Variants in CNTN1 observed in about 807,000 individuals in gnomAD.
CNTN1 encodes the protein contactin 1.
CNTN1 carries 38 observed loss-of-function variants against 126.4 expected under a neutral mutation model. The ratio of observed to expected loss-of-function variants is 0.30; its 90% CI spans 0.23 to 0.39. CNTN1 has a LOEUF of 0.39. Among genes scored for constraint, CNTN1 ranks in the 10% least tolerant of loss-of-function variants. The pLI is 1.00. For missense variants in CNTN1, 1,009 were observed against 1,248.4 expected (o/e 0.81, Z 2.89); for synonymous variants, 413 against 422.6 (o/e 0.98, Z 0.28).
chr12:40,884,026 G>T (rs1943952836), intron 1 of CNTN1, among the ~76,000 whole-genome samples: 2 of 151,456 alleles, frequency 1.3e-5, no homozygotes, highest in Non-Finnish European at 3.0e-5. Context: ...TGCCACCTAA[G>T]AGAAATAATC....
intron 1 of CNTN1, among the ~76,000 whole-genome samples, chr12:40,740,164 T>C (rs1565670939): frequency 6.6e-6 from 1 of 151,926 alleles, no homozygotes; most frequent in Non-Finnish European, 1.5e-5. Context: ...AAACATGTTA[T>C]AAATCTACTG....
intron 15 of CNTN1, among the ~76,000 whole-genome samples, chr12:40,970,660 A>G (rs566533573): frequency 1.1e-4 from 17 of 152,262 alleles, no homozygotes; most frequent in African/African-American, 3.8e-4. Flanking sequence ...ACTGTTGTTA[A>G]ATGATTACAT....
chr12:40,972,023 T>G, intron 15 of CNTN1: 1 of 986,230 alleles, frequency 1.0e-6, no homozygotes, highest in Non-Finnish European at 1.2e-6. Flanking sequence ...TACATATTCT[T>G]TGGCATGAAA....
chr12:40,907,300 C>T (rs187123011), intron 1 of CNTN1, among the ~76,000 whole-genome samples: 6 of 152,290 alleles, frequency 3.9e-5, no homozygotes, highest in Non-Finnish European at 7.4e-5. Context: ...CACTTTTTCA[C>T]GTTTAATAGC....
intron 1 of CNTN1, among the ~76,000 whole-genome samples, chr12:40,858,261 T>C (rs1565841617): frequency 6.6e-6 from 1 of 152,168 alleles, no homozygotes; most frequent in Non-Finnish European, 1.5e-5. Context: ...CTTTCTCTTC[T>C]GGAAGGGCCC....
chr12:40,845,503 T>C (rs1054830453), intron 1 of CNTN1, among the ~76,000 whole-genome samples: 2 of 152,154 alleles, frequency 1.3e-5, no homozygotes, highest in African/African-American at 4.8e-5. Context: ...AGAAGAACTA[T>C]TAGACTATTA....
intron 1 of CNTN1, among the ~76,000 whole-genome samples, chr12:40,900,980 G>A (rs1270893020): frequency 6.6e-6 from 1 of 152,136 alleles, no homozygotes; most frequent in Admixed American, 6.5e-5. Context: ...AGGGAGCCAG[G>A]CAATTAATGG....
At chr12:40,807,047 C>G (rs1040723089) in intron 1 of CNTN1, among the ~76,000 whole-genome samples, 1 of 152,018 alleles carries the variant, frequency 6.6e-6, no homozygotes, top group African/African-American at 2.4e-5. Flanking sequence ...ATACCAAGCA[C>G]AGGAACGGTA....
intron 23 of CNTN1, among the ~76,000 whole-genome samples, chr12:41,060,396 A>C (rs1404997336): frequency 1.3e-5 from 2 of 152,232 alleles, no homozygotes; most frequent in South Asian, 2.1e-4. Context: ...GTAAATTTTC[A>C]AACTTTCTCT....
At chr12:40,954,929 C>A (rs1258764970) in intron 14 of CNTN1, among the ~76,000 whole-genome samples, 1 of 152,084 alleles carries the variant, frequency 6.6e-6, no homozygotes, top group Non-Finnish European at 1.5e-5. Context: ...TTTGGGGGGA[C>A]TTCATCAACT....
chr12:40,939,440 A>T lies in CNTN1; in HGVS notation c.1334A>T (p.Lys445Met), dbSNP rs147062727. 1.3e-5 allele frequency: 21 copies of T among 1,613,852 alleles called. No homozygotes were observed. Among genetic ancestry groups the T allele is most frequent in the Admixed American group, 1.7e-5 (1 of 59,928 alleles). ...AAACCTAAAGCTGCACCGAAACCAA[A>T]GTTTTCATGGAGTAAAGGGACAGAG... ...ECKPKAAPKPKFSWSKGTEWL... is the reference protein window; with the variant it reads ...ECKPKAAPKPMFSWSKGTEWL... The change falls in exon 12 of 24, where the codon AAG (lysine) becomes ATG (methionine). Residue 445 changes from lysine (K) to methionine (M), a missense_variant. Physicochemically the swap from Lys to Met is moderately conservative, Grantham distance 95. Transcript: ENST00000551295.
At chr12:40,794,808 C>T (rs1031470197) in intron 1 of CNTN1, among the ~76,000 whole-genome samples, 2 of 151,872 alleles carry the variant, frequency 1.3e-5, no homozygotes, top group Admixed American at 1.3e-4. Flanking sequence ...GTGAGTCTGC[C>T]AATTGAGGAA....
chr12:41,008,702 A>G (rs548881808), intron 17 of CNTN1, among the ~76,000 whole-genome samples: 1 of 152,262 alleles, frequency 6.6e-6, no homozygotes, highest in Admixed American at 6.5e-5. Context: ...TAATCCTTTC[A>G]TGACTTCCAT....
intron 23 of CNTN1, among the ~76,000 whole-genome samples, chr12:41,068,750 C>T (rs904487469): frequency 6.6e-6 from 1 of 152,038 alleles, no homozygotes; most frequent in African/African-American, 2.4e-5. Flanking sequence ...AGTAAACTTC[C>T]AAAAATTAAT....
intron 1 of CNTN1, among the ~76,000 whole-genome samples, chr12:40,787,881 T>C (rs930784657): frequency 2.6e-5 from 4 of 152,150 alleles, no homozygotes; most frequent in Non-Finnish European, 4.4e-5. Context: ...TAATTTTATC[T>C]GGAAAATATA....
intron 1 of CNTN1, among the ~76,000 whole-genome samples, chr12:40,747,587 A>G (rs2136392173): frequency 6.6e-6 from 1 of 152,156 alleles, no homozygotes; most frequent in African/African-American, 2.4e-5. Flanking sequence ...TGGAGCTGTT[A>G]CCTAATACTA....
intron 15 of CNTN1, among the ~76,000 whole-genome samples, chr12:40,976,261 A>G (rs1269384040): frequency 6.6e-6 from 1 of 152,202 alleles, no homozygotes; most frequent in Non-Finnish European, 1.5e-5. Flanking sequence ...AGAAAAAAGA[A>G]AAACAGAAGA....
At chr12:40,946,625 C>A (rs1946443418) in intron 14 of CNTN1, among the ~76,000 whole-genome samples, 2 of 152,024 alleles carry the variant, frequency 1.3e-5, no homozygotes, top group Non-Finnish European at 2.9e-5. Context: ...CATGTTCTAA[C>A]AATTTTCATT....
intron 10 of CNTN1, 137 bp downstream of exon 10, chr12:40,937,042 A>G (rs1946105591): frequency 9.4e-7 from 1 of 1,064,540 alleles, no homozygotes; most frequent in South Asian, 1.3e-5. Flanking sequence ...TTCCTAAAAA[A>G]GACAAAAACT....
Sources: allele counts gnomAD v4.1 joint callset (sites outside exome capture counted in the v4.1 genomes callset), GRCh38; gene constraint gnomAD v4.1.1; transcripts MANE v1.5; gene names NCBI Gene and HGNC (gene_info 2026-07-23, HGNC 2026-07-21).